Variants in IDE observed in about 807,000 individuals in gnomAD.
The protein encoded by IDE is insulin-degrading enzyme.
Under a neutral mutation model 133.2 loss-of-function variants are expected in IDE, and 58 were observed. The ratio of observed to expected loss-of-function variants is 0.44; its 90% confidence interval spans 0.35 to 0.54. The LOEUF (loss-of-function observed/expected upper bound fraction) is 0.54. Among genes scored for constraint, IDE ranks in the 20% least tolerant of loss-of-function variants. The pLI is 0.00. For missense variants in IDE, 981 were observed against 1,234.0 expected (o/e 0.79, Z 3.07); for synonymous variants, 396 against 421.3 (o/e 0.94, Z 0.73).
In IDE at chr10:92,541,341, T is replaced by C. The variant is rs1028385435; in HGVS notation, c.99-3791A>G. ...CAATGACTGGGAACTCTTCCTCCTC[T>C]GATGATGAATTCATCAACAGCTTGC... On this transcript the variant is annotated intron_variant, in intron 1 of 24. Transcript: ENST00000265986. The C allele has an allele frequency of 1.1e-5, 5 of 470,852 alleles. No individual in the cohort carries two copies. In the Admixed American group the frequency reaches 1.2e-4, roughly 11 times the overall value. 29.2% of individuals were successfully genotyped at this position (470,852 alleles called of 1,614,324 possible). A position where few individuals can be genotyped will look rare whatever the true frequency, so the allele number is the denominator to read the frequency against.
At chr10:92,547,105 A>G (rs1372856537) in intron 1 of IDE, among the ~76,000 whole-genome samples, 1 of 152,210 alleles carries the variant, frequency 6.6e-6, no homozygotes, top group East Asian at 1.9e-4. Flanking sequence ...TTTGTAAGAT[A>G]GGGTCTCACT....
chr10:92,501,988 T>C (rs992790806), intron 11 of IDE, among the ~76,000 whole-genome samples: 1 of 151,366 alleles, frequency 6.6e-6, no homozygotes, highest in African/African-American at 2.4e-5. Context: ...AAAAAAATAA[T>C]AATAAACAAA....
chr10:92,498,336 A>C (rs1011299321), intron 11 of IDE, among the ~76,000 whole-genome samples: 1 of 152,216 alleles, frequency 6.6e-6, no homozygotes, highest in African/African-American at 2.4e-5. Flanking sequence ...AAGATTGTCT[A>C]GTGAGGCCGG....
Position 92,557,958 on chromosome 10 carries a change from G to A in IDE, c.98+15964C>T, listed in dbSNP as rs982969195. ...AACAAATGGTACTGGATATCCACAT[G>A]TAAAAAGATGAAGTTGGACTCTCAC... is the stretch of plus-strand genomic sequence containing the variant. On this transcript the variant is annotated intron_variant, in intron 1 of 24. Transcript: ENST00000265986. Among the ~76,000 whole-genome samples, 6 of 151,270 alleles carry A rather than the reference G, an allele frequency of 4.0e-5. 1 individual carries two copies. The highest frequency in any genetic ancestry group is 3.3e-4 in the Admixed American group (5 of 15,190).
intron 11 of IDE, among the ~76,000 whole-genome samples, chr10:92,496,974 A>G (rs1009434447): frequency 1.8e-4 from 28 of 152,216 alleles, no homozygotes; most frequent in Admixed American, 4.6e-4. Context: ...TTCAAAAAGA[A>G]AAAAGGAGTG....
chr10:92,540,781 C>CTA (rs1036162095), intron 1 of IDE, among the ~76,000 whole-genome samples: 20 of 152,198 alleles, frequency 1.3e-4, no homozygotes, highest in Admixed American at 3.9e-4. Context: ...GTTAAAAACT[C>CTA]TATATAAAGA....
intron 19 of IDE, among the ~76,000 whole-genome samples, chr10:92,468,536 A>G (rs1019513915): frequency 6.6e-6 from 1 of 152,216 alleles, no homozygotes; most frequent in African/African-American, 2.4e-5. Context: ...TTCCAATTAA[A>G]TATTATAATT....
intron 11 of IDE, among the ~76,000 whole-genome samples, chr10:92,493,143 C>T (rs540543957): frequency 2.6e-5 from 4 of 152,198 alleles, no homozygotes; most frequent in African/African-American, 9.6e-5. Context: ...TCAAGAATCC[C>T]GTTTGAGGTG....
chr10:92,499,650 T>G (rs1847903605), intron 11 of IDE, among the ~76,000 whole-genome samples: 1 of 152,192 alleles, frequency 6.6e-6, no homozygotes, highest in Admixed American at 6.5e-5. Context: ...CAGGCTGGTC[T>G]CGAACTCCTG....
chr10:92,552,225 T>G (rs578193627), intron 1 of IDE, among the ~76,000 whole-genome samples: 57 of 152,302 alleles, frequency 3.7e-4, no homozygotes, highest in South Asian at 1.5e-3. Flanking sequence ...TTGTGACCTA[T>G]TTTAAAAATG....
chr10:92,556,259 A>G (rs1252130907), intron 1 of IDE, among the ~76,000 whole-genome samples: 1 of 152,088 alleles, frequency 6.6e-6, no homozygotes, highest in Non-Finnish European at 1.5e-5. Context: ...ATATAAAAAT[A>G]TCAATTGTAT....
At chr10:92,570,637 T>C (rs1267379002) in intron 1 of IDE, among the ~76,000 whole-genome samples, 1 of 152,144 alleles carries the variant, frequency 6.6e-6, no homozygotes, top group African/African-American at 2.4e-5. Flanking sequence ...AAACATATAC[T>C]GGGCCTGGCA....
rs75434759 is a variant in IDE at position 92,489,881 on chromosome 10, G to A, written c.1533+612C>T. Among the ~76,000 whole-genome samples, 774 of 152,266 alleles carry A rather than the reference G, an allele frequency of 5.1e-3. 8 individuals are homozygous for A. The highest frequency in any genetic ancestry group is 0.018 in the African/African-American group (733 of 41,540). On this transcript the variant is annotated intron_variant, in intron 12 of 24. Transcript: ENST00000265986. ...TGGTCTTTTCCCAGGAATAAGGGAC[G>A]CAGTCTCAAAGGCACATAGCCAATG...
At chr10:92,505,318 A>C (rs1362003175) in intron 10 of IDE, among the ~76,000 whole-genome samples, 1 of 152,244 alleles carries the variant, frequency 6.6e-6, no homozygotes, top group Non-Finnish European at 1.5e-5. Context: ...TATGAAACAA[A>C]TTAGACAAAC....
chr10:92,539,776 AATT>A (rs1428409277), intron 1 of IDE, among the ~76,000 whole-genome samples: 1 of 152,004 alleles, frequency 6.6e-6, no homozygotes, highest in Non-Finnish European at 1.5e-5. Context: ...GAAAAAAAAA[AATT>A]ATTTTCTTTC....
At chr10:92,460,333 G>GAAT (rs1428814962) in intron 22 of IDE, among the ~76,000 whole-genome samples, 1 of 152,220 alleles carries the variant, frequency 6.6e-6, no homozygotes, top group East Asian at 1.9e-4. Flanking sequence ...AGTTGTCAGA[G>GAAT]CTTGGAAAAT....
At chr10:92,519,785 C>T (rs1004378126) in intron 4 of IDE, among the ~76,000 whole-genome samples, 1 of 152,136 alleles carries the variant, frequency 6.6e-6, no homozygotes, top group African/African-American at 2.4e-5. Context: ...GAGGACCAAC[C>T]TCACAGGATT....
chr10:92,485,990 A>T (rs918726605), intron 13 of IDE, among the ~76,000 whole-genome samples: 4 of 152,036 alleles, frequency 2.6e-5, no homozygotes, highest in Non-Finnish European at 5.9e-5. Flanking sequence ...TACATAAAAA[A>T]CAGCTGAGGT....
chr10:92,490,613 A>G lies in IDE; in HGVS notation c.1431-18T>C, dbSNP rs1434783920. ...TGGCAACCCTAGAGATAGAAAAAACAAACAAAAAAACCCTGTAAACTCATA... is the reference window on the plus strand; with the variant it reads ...TGGCAACCCTAGAGATAGAAAAAACGAACAAAAAAACCCTGTAAACTCATA... On this transcript the variant is annotated intron_variant, in intron 11 of 24. Coordinates refer to ENST00000265986, the MANE Select transcript of IDE (RefSeq NM_004969.4). The G allele has an allele frequency of 6.9e-7, 1 of 1,443,632 alleles. No homozygotes were observed. The highest frequency in any genetic ancestry group is 1.7e-5 in the Admixed American group (1 of 57,458). The allele number at this position is 1,443,632 out of a possible 1,614,324, so 89.4% of individuals were successfully genotyped here. A position where few individuals can be genotyped will look rare whatever the true frequency, so the allele number is the denominator to read the frequency against.
Sources: allele counts gnomAD v4.1 joint callset (sites outside exome capture counted in the v4.1 genomes callset), GRCh38; gene constraint gnomAD v4.1.1; transcripts MANE v1.5; gene names NCBI Gene and HGNC (gene_info 2026-07-23, HGNC 2026-07-21).